SPRING1: variants seen among roughly 807,000 people sequenced by gnomAD.
SPRING1 encodes SREBP regulating gene protein.
SPRING1 carries 14 observed loss-of-function variants against 24.7 expected under a neutral mutation model. The ratio of observed to expected loss-of-function variants is 0.57; its 90% CI spans 0.37 to 0.88. The LOEUF (loss-of-function observed/expected upper bound fraction) is 0.88. Ranked by LOEUF, SPRING1 falls within the 40% of genes least tolerant of loss-of-function variation. SPRING1 has a pLI of 0.00. For synonymous variants in SPRING1, 93 were observed against 106.1 expected (o/e 0.88, Z 0.76); for missense variants, 255 against 268.4 (o/e 0.95, Z 0.35).
intron 1 of SPRING1, among the ~76,000 whole-genome samples, chr12:116,725,485 C>A (rs563769879): frequency 5.9e-5 from 9 of 152,258 alleles, no homozygotes; most frequent in Admixed American, 1.3e-4. Context: ...TATCTTTAAT[C>A]ATTTTGGGAA....
Position 116,715,597 on chromosome 12 carries a change from C to T in SPRING1, c.*2213G>A, listed in dbSNP as rs1482904025. On this transcript the variant is annotated 3_prime_UTR_variant, in exon 5 of 5. Transcript: ENST00000261318. The stretch of plus-strand genomic sequence containing the variant: ...CTCCACCTAATTTGGGTGTTTATGC[C>T]GCCTCGCCCCTCTTTTGGCCTGGAC... The T allele has an allele frequency of 1.3e-5, 2 of 152,246 alleles. No homozygotes were observed. Among genetic ancestry groups the T allele is most frequent in the Non-Finnish European group, 1.5e-5 (1 of 68,074 alleles). The allele number at this position is 152,246 out of a possible 1,614,324, so 9.4% of individuals were successfully genotyped here. A position where few individuals can be genotyped will look rare whatever the true frequency, so the allele number is the denominator to read the frequency against.
chr12:116,737,118 A>G (rs1871261475), intron 1 of SPRING1, among the ~76,000 whole-genome samples: 1 of 152,224 alleles, frequency 6.6e-6, no homozygotes, highest in South Asian at 2.1e-4. Context: ...CCCACCGCTG[A>G]AGGGTCCTCA....
chr12:116,734,430 G>A lies in SPRING1; in HGVS notation c.111+3360C>T, dbSNP rs75886539. On this transcript the variant is annotated intron_variant, in intron 1 of 4. Transcript: ENST00000261318. ...TCTTAAAATGAAGATGATGTATCAG[G>A]GTAGTGAAAAGGTGGTTGTAGGGAA... Among the ~76,000 whole-genome samples the A allele has an allele frequency of 5.4e-3, 820 of 152,292 alleles. 3 individuals are homozygous for A. Among genetic ancestry groups the A allele is most frequent in the African/African-American group, 0.019 (774 of 41,556 alleles).
At chr12:116,723,453 G>A (rs1034073100) in intron 1 of SPRING1, among the ~76,000 whole-genome samples, 1 of 152,134 alleles carries the variant, frequency 6.6e-6, no homozygotes, top group Non-Finnish European at 1.5e-5. Context: ...ACTTACATGC[G>A]TGGCTCCTGG....
chr12:116,719,928 G>A, intron 3 of SPRING1, 52 bp from the exon 4 acceptor site: 1 of 1,492,802 alleles, frequency 6.7e-7, no homozygotes, highest in Non-Finnish European at 9.3e-7. Context: ...CCAGCACAAG[G>A]TGACCTTGGC....
chr12:116,733,464 G>A (rs367734391), intron 1 of SPRING1, among the ~76,000 whole-genome samples: 1 of 149,096 alleles, frequency 6.7e-6, no homozygotes, highest in African/African-American at 2.6e-5. Context: ...AATTACAGGC[G>A]TGAGCCACTG....
At chr12:116,723,519 G>A (rs1870541374) in intron 1 of SPRING1, among the ~76,000 whole-genome samples, 2 of 152,206 alleles carry the variant, frequency 1.3e-5, no homozygotes, top group Admixed American at 1.3e-4. Flanking sequence ...AAAAATTGGA[G>A]AGGAAAAGTT....
In SPRING1 at chr12:116,737,779, C is replaced by A. The variant is rs1350627446; in HGVS notation, c.111+11G>T. The A allele has an allele frequency of 7.0e-6, 11 of 1,569,922 alleles. No homozygotes were observed. Among genetic ancestry groups the A allele is most frequent in the Non-Finnish European group, 9.5e-6 (11 of 1,156,582 alleles). ...GAAGGGAAGGGGAGGAGGGGAAGGG[C>A]GGCCACTGACCTGCTTGAAGGTGCT... On this transcript the variant is annotated intron_variant, in intron 1 of 4. Coordinates refer to ENST00000261318, the MANE Select transcript of SPRING1 (RefSeq NM_024738.4).
intron 1 of SPRING1, among the ~76,000 whole-genome samples, chr12:116,725,803 A>G (rs371697080): frequency 4.3e-4 from 65 of 152,058 alleles, no homozygotes; most frequent in East Asian, 3.5e-3. Context: ...GGAGAATGGC[A>G]TGAACCCGGG....
chr12:116,729,435 A>G (rs1023647492), intron 1 of SPRING1, among the ~76,000 whole-genome samples: 1 of 152,286 alleles, frequency 6.6e-6, no homozygotes, highest in Non-Finnish European at 1.5e-5. Flanking sequence ...AAAAAGTTTA[A>G]CACAGATTTA....
intron 1 of SPRING1, among the ~76,000 whole-genome samples, chr12:116,734,022 G>A (rs552966669): frequency 4.1e-4 from 63 of 152,128 alleles, no homozygotes; most frequent in Non-Finnish European, 8.8e-4. Context: ...GATTACAGGC[G>A]TGTGCCACCA....
chr12:116,736,151 G>C (rs1486994871), intron 1 of SPRING1, among the ~76,000 whole-genome samples: 2 of 137,902 alleles, frequency 1.5e-5, no homozygotes, highest in Non-Finnish European at 3.1e-5. Flanking sequence ...TTGGATATAA[G>C]AATTTGGGGA....
In SPRING1 at chr12:116,713,964, G is replaced by A. The variant is rs1472924897; in HGVS notation, c.*3846C>T. The A allele has an allele frequency of 1.3e-5, 2 of 152,096 alleles. No homozygotes were observed. Among genetic ancestry groups the A allele is most frequent in the African/African-American group, 2.4e-5 (1 of 41,420 alleles). 9.4% of individuals were successfully genotyped at this position (152,096 alleles called of 1,614,324 possible). A position where few individuals can be genotyped will look rare whatever the true frequency, so the allele number is the denominator to read the frequency against. The stretch of plus-strand genomic sequence containing the variant: ...AAAACAGTAACAACAATAGTAACAA[G>A]AGCTCTGTAATTCCTACCCTTCCAA... On this transcript the variant is annotated 3_prime_UTR_variant, in exon 5 of 5. Coordinates refer to ENST00000261318, the MANE Select transcript of SPRING1 (RefSeq NM_024738.4).
chr12:116,725,766 G>T (rs1200018535), intron 1 of SPRING1, among the ~76,000 whole-genome samples: 1 of 151,958 alleles, frequency 6.6e-6, no homozygotes, highest in African/African-American at 2.4e-5. Context: ...GGCGCCTGTA[G>T]TCCCAGCTAC....
Position 116,715,675 on chromosome 12 carries a change from T to C in SPRING1, c.*2135A>G, listed in dbSNP as rs568660779. 2.8e-5 allele frequency: 4 copies of C among 145,230 alleles called. No homozygotes were observed. Among genetic ancestry groups the C allele is most frequent in the South Asian group, 2.1e-4 (1 of 4,742 alleles). The allele number at this position is 145,230 out of a possible 1,614,324, so 9.0% of individuals were successfully genotyped here. On this transcript the variant is annotated 3_prime_UTR_variant, in exon 5 of 5. Coordinates refer to ENST00000261318, the MANE Select transcript of SPRING1 (RefSeq NM_024738.4). ...GACGCCCACGGTGTCAGGGCTGGAG[T>C]TGGCAAGAGACAGGGGGAAGAGGAC...
rs1281506222 is a variant in SPRING1 at position 116,720,012 on chromosome 12, G to A, written c.421-136C>T. On this transcript the variant is annotated intron_variant, in intron 3 of 4. Transcript: ENST00000261318. This position sits in a 1 kb window ranked among gnomAD's most constrained non-coding sequence, Gnocchi z 4.0. ...GAGGAGAAAAGGAGGGAGGGGAAAG[G>A]ACACACGCGTGCACACACGTGCATG... 7 of 804,730 alleles carry A rather than the reference G, an allele frequency of 8.7e-6. No individual in the cohort carries two copies. In the Admixed American group the frequency reaches 1.6e-4, roughly 19 times the overall value. The allele number at this position is 804,730 out of a possible 1,614,324, so 49.8% of individuals were successfully genotyped here.
intron 1 of SPRING1, among the ~76,000 whole-genome samples, chr12:116,724,015 G>A (rs1870565097): frequency 2.0e-5 from 3 of 152,052 alleles, no homozygotes; most frequent in Admixed American, 2.0e-4. Context: ...AAAAACTAAA[G>A]AGGAAGCTGC....
rs1203700721 is a variant in SPRING1, at chr12:116,717,583, G to C, written c.*227C>G. ...CCTCCGGTTTCATCTTTCCCGAATG[G>C]GACTGGCTGGAGGGGCCAAGCTGCT... is the stretch of plus-strand genomic sequence containing the variant. On this transcript the variant is annotated 3_prime_UTR_variant, in exon 5 of 5. Transcript: ENST00000261318. The surrounding 1 kb of genome is among the most constrained non-coding windows in gnomAD (Gnocchi z 4.2). The C allele has an allele frequency of 2.3e-6, 1 of 435,476 alleles. No individual in the cohort carries two copies. Among genetic ancestry groups the C allele is most frequent in the Non-Finnish European group, 4.1e-6 (1 of 242,880 alleles). The allele number at this position is 435,476 out of a possible 1,614,324, so 27.0% of individuals were successfully genotyped here. A position where few individuals can be genotyped will look rare whatever the true frequency, so the allele number is the denominator to read the frequency against.
rs571724378 is a variant in SPRING1, at chr12:116,718,891, T to G, written c.534+872A>C. ...GTTTTCAAATGCTCATTATAATCCC[T>G]GAAACATTTACCCAATGATACTGAA... is the stretch of plus-strand genomic sequence containing the variant. On this transcript the variant is annotated intron_variant, in intron 4 of 4. Coordinates refer to ENST00000261318, the MANE Select transcript of SPRING1 (RefSeq NM_024738.4). Among the ~76,000 whole-genome samples, 4 of 152,338 alleles carry G rather than the reference T, an allele frequency of 2.6e-5. No individual in the cohort carries two copies. In the East Asian group the frequency reaches 7.7e-4, roughly 29 times the overall value.
Sources: allele counts gnomAD v4.1 joint callset (sites outside exome capture counted in the v4.1 genomes callset), GRCh38; gene constraint gnomAD v4.1.1; non-coding constraint Gnocchi (gnomAD v3.1); transcripts MANE v1.5; gene names NCBI Gene and HGNC (gene_info 2026-07-23, HGNC 2026-07-21).